GPAM: variants seen among roughly 807,000 people sequenced by gnomAD.
The protein encoded by GPAM is glycerol-3-phosphate acyltransferase, mitochondrial, also known as glycerol-3-phosphate acyltransferase 1, mitochondrial.
Under a neutral mutation model 105.0 loss-of-function variants are expected in GPAM, and 56 were observed. The ratio of observed to expected loss-of-function variants is 0.53; its 90% confidence interval spans 0.43 to 0.67. The LOEUF is 0.67. Ranked by LOEUF, GPAM falls within the 30% of genes least tolerant of loss-of-function variation. GPAM has a pLI of 0.00. For missense variants in GPAM, 855 were observed against 989.8 expected (o/e 0.86, Z 1.83); for synonymous variants, 368 against 354.4 (o/e 1.04, Z -0.43).
chr10:112,178,345 T>C (rs549983207), intron 4 of GPAM, among the ~76,000 whole-genome samples: 4 of 152,112 alleles, frequency 2.6e-5, no homozygotes, highest in African/African-American at 9.6e-5. Flanking sequence ...AGGTCATTAG[T>C]TTGAGACCAG....
At chr10:112,223,258 C>G in the GPAM span, among the ~76,000 whole-genome samples, 1 of 152,194 alleles carries the variant, frequency 6.6e-6, no homozygotes. Flanking sequence ...AAATCTTTTA[C>G]ATATCTACTC....
chr10:112,161,618 A>G (rs553535389), intron 15 of GPAM, 49 bp downstream of exon 15: 3 of 1,473,418 alleles, frequency 2.0e-6, no homozygotes, highest in Admixed American at 3.4e-5. Flanking sequence ...GCAGCTGACA[A>G]AACATTCTCC....
the GPAM span, among the ~76,000 whole-genome samples, chr10:112,226,768 T>C: frequency 6.6e-6 from 1 of 152,104 alleles, no homozygotes; most frequent in African/African-American, 2.4e-5. Context: ...TTCTGCTACT[T>C]GAGATAGTAA....
At position 112,156,253 on chromosome 10, in the gene GPAM, T is replaced by C. The variant is rs561924273; in HGVS notation, c.2122-200A>G. 535 of 604,092 alleles carry C rather than the reference T, an allele frequency of 8.9e-4. 3 individuals are homozygous for C. Among genetic ancestry groups the C allele is most frequent in the South Asian group, 2.3e-3 (118 of 52,084 alleles). The allele number at this position is 604,092 out of a possible 1,614,324, so 37.4% of individuals were successfully genotyped here. ...GCTGGCTTTCAAACACATTCTTTAT[T>C]GTAATCATTCACTTTTTTATGGTAT... On this transcript the variant is annotated intron_variant, in intron 19 of 21. Coordinates refer to ENST00000348367, the MANE Select transcript of GPAM (RefSeq NM_001244949.2).
At chr10:112,209,775 C>T (rs1049085278) in intron 1 of GPAM, among the ~76,000 whole-genome samples, 2 of 152,208 alleles carry the variant, frequency 1.3e-5, no homozygotes, top group African/African-American at 4.8e-5. Flanking sequence ...GGCAACCATC[C>T]CTTTCCTGCA....
At chr10:112,214,671 C>T (rs1279965722) in intron 1 of GPAM, among the ~76,000 whole-genome samples, 2 of 152,216 alleles carry the variant, frequency 1.3e-5, no homozygotes. Flanking sequence ...CTCAGCTCCT[C>T]CTCTTTCCTC....
Position 112,154,705 on chromosome 10 carries a change from A to C in GPAM, c.2312-18T>G. The C allele has an allele frequency of 4.5e-6, 7 of 1,560,948 alleles. No individual in the cohort carries two copies. Among genetic ancestry groups the C allele is most frequent in the Non-Finnish European group, 5.3e-6 (6 of 1,131,680 alleles). ...ACTCTCAGCTGAAGAGAGAGAATAA[A>C]ACCCTGTCAAATGGTTACGCTCAAC... On this transcript the variant is annotated intron_variant, in intron 20 of 21. Coordinates refer to ENST00000348367, the MANE Select transcript of GPAM (RefSeq NM_001244949.2).
chr10:112,198,275 G>C (rs1173750724), intron 1 of GPAM, among the ~76,000 whole-genome samples: 1 of 152,180 alleles, frequency 6.6e-6, no homozygotes, highest in Non-Finnish European at 1.5e-5. Context: ...TGCTTTCACA[G>C]ATCATAGCTG....
chr10:112,208,513 C>A (rs1436516560), intron 1 of GPAM, among the ~76,000 whole-genome samples: 1 of 152,122 alleles, frequency 6.6e-6, no homozygotes, highest in African/African-American at 2.4e-5. Flanking sequence ...CAATAGCCAG[C>A]TAAGTGTCTT....
rs1307358142 is a variant in GPAM at position 112,212,178 on chromosome 10, C to T, written n.210+2990G>A. Among the ~76,000 whole-genome samples the T allele has an allele frequency of 3.3e-5, 5 of 152,148 alleles. No individual in the cohort carries two copies. The South Asian group carries it at 6.2e-4, about 19-fold the overall frequency. Reference sequence around the variant, plus strand: ...GGACCACTAAGCAGGGAGAAAACCCCAACTCAGTAACTGGGGAGGCAGACA... The same window carrying T: ...GGACCACTAAGCAGGGAGAAAACCCTAACTCAGTAACTGGGGAGGCAGACA... On this transcript the variant is annotated intron_variant and non_coding_transcript_variant, in intron 1 of 3. Coordinates refer to the GPAM transcript ENST00000480130.
chr10:112,212,312 G>C (rs2133308000), intron 1 of GPAM, among the ~76,000 whole-genome samples: 2 of 152,280 alleles, frequency 1.3e-5, no homozygotes, highest in Middle Eastern at 6.8e-3. Context: ...GCCCAGGCTG[G>C]AGTGCAGTGG....
intron 17 of GPAM, among the ~76,000 whole-genome samples, chr10:112,159,103 T>C (rs1259074056): frequency 6.6e-6 from 1 of 152,186 alleles, no homozygotes; most frequent in African/African-American, 2.4e-5. Flanking sequence ...TTAATACATA[T>C]GTCTCATGAT....
chr10:112,163,940 A>G, intron 13 of GPAM, 124 bp from the exon 14 acceptor site: 1 of 693,778 alleles, frequency 1.4e-6, no homozygotes, highest in Non-Finnish European at 2.6e-6. Context: ...AACCACAAAC[A>G]GATTATTTCT....
At chr10:112,180,357 C>T in intron 4 of GPAM, 116 bp downstream of exon 4, 1 of 951,354 alleles carries the variant, frequency 1.1e-6, no homozygotes, top group Non-Finnish European at 1.7e-6. Flanking sequence ...ATATTTGGTT[C>T]ATAAACATGG....
At chr10:112,217,863 G>A (rs910950536), upstream of GPAM, among the ~76,000 whole-genome samples, 8 of 152,090 alleles carry the variant, frequency 5.3e-5, no homozygotes, top group African/African-American at 1.9e-4. Context: ...CACAAAACAG[G>A]TCTTTATTCT....
chr10:112,196,338 T>C (rs893893719), intron 1 of GPAM, among the ~76,000 whole-genome samples: 2 of 152,236 alleles, frequency 1.3e-5, no homozygotes, highest in Non-Finnish European at 2.9e-5. Flanking sequence ...GGAAGATCAA[T>C]CTAAGTTCAA....
intron 1 of GPAM, among the ~76,000 whole-genome samples, chr10:112,192,172 G>C (rs1399170325): frequency 6.6e-6 from 1 of 152,160 alleles, no homozygotes. Context: ...GCTATTTAAA[G>C]ACAGAGTAAT....
chr10:112,152,392 C>A lies in GPAM; in HGVS notation c.*1158G>T. 1 of 984,838 alleles carries A rather than the reference C, an allele frequency of 1.0e-6. No homozygotes were observed. Among genetic ancestry groups the A allele is most frequent in the Non-Finnish European group, 1.2e-6 (1 of 829,536 alleles). The allele number at this position is 984,838 out of a possible 1,614,324, so 61.0% of individuals were successfully genotyped here. On this transcript the variant is annotated 3_prime_UTR_variant, in exon 22 of 22. Transcript: ENST00000348367. ...TGGCATAAGGGTTTAGGCATATAAC[C>A]CATAAAAATTTGTTAAAAGTCATGG...
chr10:112,164,116 C>T (rs200360434), intron 13 of GPAM, among the ~76,000 whole-genome samples: 5 of 152,104 alleles, frequency 3.3e-5, no homozygotes, highest in African/African-American at 1.2e-4. Flanking sequence ...TCAACACTTC[C>T]ACATATTAAA....
Sources: gnomAD v4.1 joint callset for allele counts (sites outside exome capture counted in the v4.1 genomes callset) on GRCh38, gnomAD v4.1.1 for gene constraint, MANE v1.5 for transcripts, NCBI Gene and HGNC (gene_info 2026-07-23, HGNC 2026-07-21) for gene names.